GMCL1: variants seen among roughly 807,000 people sequenced by gnomAD.
The protein encoded by GMCL1 is germ cell-less 1, spermatogenesis associated.
A neutral mutation model predicts 75.5 loss-of-function variants in GMCL1; 54 were observed. The observed-to-expected ratio is 0.71, with a 90% CI of 0.57 to 0.90. The LOEUF (loss-of-function observed/expected upper bound fraction) is 0.90. Ranked by LOEUF, GMCL1 falls within the 40% of genes least tolerant of loss-of-function variation. GMCL1 has a pLI of 0.00. For synonymous variants in GMCL1, 210 were observed against 209.6 expected (o/e 1.00, Z -0.02); for missense variants, 537 against 622.7 (o/e 0.86, Z 1.47).
chr2:69,853,799 T>A (rs571231991), intron 8 of GMCL1, among the ~76,000 whole-genome samples: 1 of 152,272 alleles, frequency 6.6e-6, no homozygotes, highest in Admixed American at 6.5e-5. Context: ...ACTTGAATTA[T>A]TCTATTTTCT....
At chr2:69,875,197 T>C (rs1425521252) in intron 13 of GMCL1, among the ~76,000 whole-genome samples, 2 of 152,208 alleles carry the variant, frequency 1.3e-5, no homozygotes, top group Non-Finnish European at 2.9e-5. Context: ...TTTTTATGGC[T>C]TAATTTTTTA....
Position 69,844,118 on chromosome 2 carries a change from A to G in GMCL1, c.693-13A>G. The G allele has an allele frequency of 2.1e-6, 3 of 1,411,652 alleles. No individual in the cohort carries two copies. The highest frequency in any genetic ancestry group is 2.9e-6 in the Non-Finnish European group (3 of 1,028,208). The allele number at this position is 1,411,652 out of a possible 1,614,324, so 87.4% of individuals were successfully genotyped here. A position where few individuals can be genotyped will look rare whatever the true frequency, so the allele number is the denominator to read the frequency against. On this transcript the variant is annotated splice_polypyrimidine_tract_variant and intron_variant, in intron 5 of 13. Transcript: ENST00000282570. ...ATGGCATATAATGTAATAATTATATATTTTAATTTCAGGTGCCTTGAATGG... is the reference window on the plus strand; with the variant it reads ...ATGGCATATAATGTAATAATTATATGTTTTAATTTCAGGTGCCTTGAATGG...
At chr2:69,870,522 A>G (rs1675953583) in intron 12 of GMCL1, among the ~76,000 whole-genome samples, 1 of 152,212 alleles carries the variant, frequency 6.6e-6, no homozygotes, top group African/African-American at 2.4e-5. Flanking sequence ...GGACTTCATC[A>G]AAATCACAAA....
chr2:69,842,046 T>C (rs1167688566), intron 4 of GMCL1, among the ~76,000 whole-genome samples: 6 of 152,196 alleles, frequency 3.9e-5, no homozygotes, highest in African/African-American at 1.4e-4. Flanking sequence ...AGTTATGTTT[T>C]AGAAAGAATA....
At chr2:69,839,402 A>G (rs1415786823) in intron 2 of GMCL1, 55 bp from the exon 3 acceptor site, 3 of 1,068,082 alleles carry the variant, frequency 2.8e-6, no homozygotes, top group Non-Finnish European at 4.2e-6. Flanking sequence ...ATGGGCAAAT[A>G]ATTTGGAAGA....
intron 13 of GMCL1, among the ~76,000 whole-genome samples, chr2:69,872,929 G>A (rs1331802476): frequency 2.0e-5 from 3 of 152,172 alleles, no homozygotes; most frequent in Non-Finnish European, 2.9e-5. Flanking sequence ...TGTTCCTTCA[G>A]CAAACATTTG....
Position 69,845,145 on chromosome 2 carries a change from C to G in GMCL1, c.758+949C>G. The stretch of plus-strand genomic sequence containing the variant: ...TCCTTTAAAAAAAACCTGTTAGCGC[C>G]ACACAGGGTCCCATGCAGGCTTCAG... On this transcript the variant is annotated intron_variant, in intron 6 of 13. Transcript: ENST00000282570. Among the ~76,000 whole-genome samples, 2 of 152,182 alleles carry G rather than the reference C, an allele frequency of 1.3e-5. 1 individual carries two copies. The highest frequency in any genetic ancestry group is 2.9e-5 in the Non-Finnish European group (2 of 68,040).
chr2:69,832,746 G>A (rs1488616253), intron 1 of GMCL1, among the ~76,000 whole-genome samples: 1 of 152,078 alleles, frequency 6.6e-6, no homozygotes. Flanking sequence ...TATATTTAAC[G>A]TAATTATTGA....
At chr2:69,849,843 T>A in intron 8 of GMCL1, 101 bp downstream of exon 8, 2 of 627,058 alleles carry the variant, frequency 3.2e-6, no homozygotes, top group African/African-American at 1.9e-5. Context: ...TTAAATGAAA[T>A]CAGGCCCTGA....
chr2:69,869,218 C>T (rs1675912045), intron 11 of GMCL1, among the ~76,000 whole-genome samples: 1 of 147,632 alleles, frequency 6.8e-6, no homozygotes, highest in Admixed American at 6.8e-5. Flanking sequence ...CATTGCACTC[C>T]AGCCTGGGCA....
chr2:69,865,018 A>T, intron 11 of GMCL1, 43 bp downstream of exon 11: 1 of 1,415,610 alleles, frequency 7.1e-7, no homozygotes, highest in Non-Finnish European at 1.0e-6. Flanking sequence ...TACAAATTGT[A>T]TTATCAGCAC....
chr2:69,868,694 T>C (rs1322700388), intron 11 of GMCL1, among the ~76,000 whole-genome samples: 1 of 146,584 alleles, frequency 6.8e-6, no homozygotes, highest in Non-Finnish European at 1.5e-5. Context: ...ATTACAGGCG[T>C]GAGCCACCAC....
intron 8 of GMCL1, among the ~76,000 whole-genome samples, chr2:69,852,989 A>G (rs1675363222): frequency 6.6e-6 from 1 of 152,252 alleles, no homozygotes; most frequent in African/African-American, 2.4e-5. Context: ...TGGAATAAGT[A>G]TGGCCACATG....
intron 1 of GMCL1, among the ~76,000 whole-genome samples, chr2:69,831,266 A>T (rs1287904939): frequency 3.9e-5 from 6 of 152,202 alleles, no homozygotes; most frequent in African/African-American, 1.4e-4. Context: ...TTGCTATACA[A>T]GTGTTATATA....
chr2:69,832,233 A>T (rs1674695273), intron 1 of GMCL1, among the ~76,000 whole-genome samples: 1 of 152,094 alleles, frequency 6.6e-6, no homozygotes, highest in Admixed American at 6.5e-5. Flanking sequence ...AAAAAAAAAA[A>T]AATTCTGACT....
chr2:69,868,664 C>T lies in GMCL1; in HGVS notation c.1219-1055C>T, dbSNP rs549253703. On this transcript the variant is annotated intron_variant, in intron 11 of 13. Transcript: ENST00000282570. ...CAGACCTCAGGTGATCCACCCGCCT[C>T]GGCCTCCCAAAGTGCTGGGATTACA... 5.0e-3 allele frequency among the ~76,000 whole-genome samples: 748 copies of T among 151,046 alleles called. 4 individuals are homozygous for T. Among genetic ancestry groups the T allele is most frequent in the African/African-American group, 0.017 (703 of 41,308 alleles).
chr2:69,849,722 G>C lies in GMCL1; in HGVS notation c.914G>C (p.Trp305Ser). 1 of 1,587,682 alleles carries C rather than the reference G, an allele frequency of 6.3e-7. No homozygotes were observed. Among genetic ancestry groups the C allele is most frequent in the Non-Finnish European group, 8.6e-7 (1 of 1,168,452 alleles). ...LKQLLTETDVWFSKQRKDFEG... is the reference protein window; with the variant it reads ...LKQLLTETDVSFSKQRKDFEG... ...CAGCTTTTGACAGAAACAGATGTCTGGTTTTCTAAACAGAGGAAAGGTAGG... is the reference window on the plus strand; with the variant it reads ...CAGCTTTTGACAGAAACAGATGTCTCGTTTTCTAAACAGAGGAAAGGTAGG... Residue 305 changes from tryptophan (W) to serine (S), a missense_variant, in exon 8 of 14, where the codon TGG becomes TCG. Coordinates refer to ENST00000282570, the MANE Select transcript of GMCL1 (RefSeq NM_178439.5).
intron 6 of GMCL1, among the ~76,000 whole-genome samples, chr2:69,847,310 A>G (rs1209206315): frequency 6.6e-6 from 1 of 152,160 alleles, no homozygotes; most frequent in Non-Finnish European, 1.5e-5. Context: ...TTCACAGCAC[A>G]CTATCTGAAT....
chr2:69,844,046 T>A, intron 5 of GMCL1, 85 bp from the exon 6 acceptor site: 3 of 591,136 alleles, frequency 5.1e-6, no homozygotes, highest in Non-Finnish European at 8.3e-6. Flanking sequence ...GCAAGATTAA[T>A]CTGATTTTAT....
Sources: gnomAD v4.1 joint callset for allele counts (sites outside exome capture counted in the v4.1 genomes callset) on GRCh38, gnomAD v4.1.1 for gene constraint, MANE v1.5 for transcripts, NCBI Gene and HGNC (gene_info 2026-07-23, HGNC 2026-07-21) for gene names.